PMS2: variants seen among roughly 807,000 people sequenced by gnomAD.
The protein encoded by PMS2 is PMS1 homolog 2, mismatch repair system component.
In PMS2, 69 loss-of-function variants were observed where a neutral mutation model predicts 90.0. That is an observed-to-expected ratio of 0.77 (90% CI 0.63 to 0.94). PMS2 has a LOEUF of 0.94. Among genes scored for constraint, PMS2 ranks in the 40% least tolerant of loss-of-function variants. The pLI, the probability that PMS2 is intolerant of heterozygous loss-of-function variation, is 0.00. For missense variants in PMS2, 966 were observed against 1,040.2 expected (o/e 0.93, Z 0.98); for synonymous variants, 332 against 375.1 (o/e 0.89, Z 1.33).
chr7:6,001,152 G>A (rs540588735), intron 5 of PMS2, among the ~76,000 whole-genome samples: 27 of 152,230 alleles, frequency 1.8e-4, no homozygotes, highest in African/African-American at 6.0e-4. Flanking sequence ...CACATCCAAG[G>A]ATAACTGCTG....
intron 7 of PMS2, among the ~76,000 whole-genome samples, chr7:5,996,944 G>A (rs1204139319): frequency 1.3e-5 from 2 of 152,116 alleles, no homozygotes; most frequent in African/African-American, 2.4e-5. Flanking sequence ...GCCAGGCGTG[G>A]TGGCTCATGC....
chr7:5,989,317 G>A (rs1428419163), intron 10 of PMS2, among the ~76,000 whole-genome samples: 1 of 151,886 alleles, frequency 6.6e-6, no homozygotes, highest in Non-Finnish European at 1.5e-5. Flanking sequence ...TGTAATCCCA[G>A]CTACTCAGGA....
At position 5,999,205 on chromosome 7, in the gene PMS2, G is replaced by A. The variant is rs779946576; in HGVS notation, c.608C>T (p.Thr203Ile). The A allele has an allele frequency of 6.2e-7, 1 of 1,614,024 alleles. No homozygotes were observed. The highest frequency in any genetic ancestry group is 8.5e-7 in the Non-Finnish European group (1 of 1,179,986). The part of the protein sequence containing the change: ...IISAGIRVSC[T>I]NQLGQGKRQP... ...TCGTTTTCCTTGTCCAAGCTGATTG[G>A]TGCAACTTACACGGATGCCTGCTGA... The change falls in exon 6 of 15, where the codon ACC (threonine) becomes ATC (isoleucine). Residue 203 changes from threonine to isoleucine, a missense_variant. Thr to Ile is a moderately conservative substitution (Grantham distance 89, BLOSUM62 -1). Coordinates refer to ENST00000265849, the MANE Select transcript of PMS2 (RefSeq NM_000535.7).
At position 5,987,276 on chromosome 7, in the gene PMS2, C is replaced by T. The variant is rs749826312; in HGVS notation, c.1489G>A (p.Gly497Ser). ...CCCTCAGAATCCACGGAAGTGCTGC[C>T]GTGCCCCGAGTCCTTCTCCACCTCC... Reference protein sequence around the residue: ...RAEVEKDSGHGSTSVDSEGFS... With the variant: ...RAEVEKDSGHSSTSVDSEGFS... The change falls in exon 11 of 15, where the codon GGC becomes AGC. Residue 497 changes from glycine (G) to serine (S), a missense_variant. Around this residue, in one of 2 missense-constraint regions of PMS2, gnomAD observed 871 missense variants for 802.4 expected, o/e 1.09. Coordinates refer to ENST00000265849, the MANE Select transcript of PMS2 (RefSeq NM_000535.7). 19 of 1,613,974 alleles carry T rather than the reference C, an allele frequency of 1.2e-5. No individual in the cohort carries two copies. Among genetic ancestry groups the T allele is most frequent in the East Asian group, 8.9e-5 (4 of 44,892 alleles).
intron 4 of PMS2, 72 bp from the exon 5 acceptor site, chr7:6,002,708 T>C: frequency 1.7e-6 from 2 of 1,180,114 alleles, no homozygotes; most frequent in Non-Finnish European, 1.3e-6. Flanking sequence ...ACTCTTTTCT[T>C]CACTTGCTTT....
At chr7:5,990,030 C>G (rs1783564899) in intron 9 of PMS2, 75 bp from the exon 10 acceptor site, 1 of 1,027,682 alleles carries the variant, frequency 9.7e-7, no homozygotes. Flanking sequence ...TATTTTCAGA[C>G]AGCGTCTCAC....
intron 5 of PMS2, 77 bp from the exon 6 acceptor site, chr7:5,999,352 C>T: frequency 7.8e-7 from 1 of 1,276,248 alleles, no homozygotes; most frequent in Non-Finnish European, 1.1e-6. Flanking sequence ...TTACAACATC[C>T]AACGCAAGGT....
chr7:6,000,142 A>T (rs1784930441), intron 5 of PMS2, among the ~76,000 whole-genome samples: 1 of 151,966 alleles, frequency 6.6e-6, no homozygotes, highest in Non-Finnish European at 1.5e-5. Context: ...TGGGAGGCTG[A>T]GGCGGGAGGA....
intron 10 of PMS2, among the ~76,000 whole-genome samples, chr7:5,989,547 G>A (rs574283062): frequency 1.1e-4 from 16 of 152,012 alleles, no homozygotes; most frequent in African/African-American, 3.1e-4. Flanking sequence ...GAGGTACTTG[G>A]AGGCAGCTAC....
intron 1 of PMS2, among the ~76,000 whole-genome samples, chr7:6,007,223 C>A (rs1562705528): frequency 6.6e-6 from 1 of 151,968 alleles, no homozygotes; most frequent in Non-Finnish European, 1.5e-5. Context: ...TCAAGCGATT[C>A]TCCTATCTCA....
chr7:5,998,073 CTTTG>C (rs1562673820), intron 6 of PMS2, among the ~76,000 whole-genome samples: 1 of 147,100 alleles, frequency 6.8e-6, no homozygotes, highest in Non-Finnish European at 1.5e-5. Context: ...GTGATAGGTA[CTTTG>C]TTTTTTTTTT....
chr7:5,998,852 G>A (rs6949598), intron 6 of PMS2, among the ~76,000 whole-genome samples: 24,912 of 151,706 alleles, frequency 0.16, 2,262 homozygotes, highest in African/African-American at 0.23. Context: ...TTAGCCTGGC[G>A]TAGTGGAGCA....
intron 12 of PMS2, among the ~76,000 whole-genome samples, chr7:5,982,493 C>T (rs1050475439): frequency 2.6e-5 from 4 of 151,984 alleles, no homozygotes; most frequent in Non-Finnish European, 5.9e-5. Flanking sequence ...CGTGAGCCAC[C>T]GTGCCTGGCC....
intron 9 of PMS2, among the ~76,000 whole-genome samples, chr7:5,991,185 T>C (rs1346456725): frequency 3.9e-5 from 6 of 152,032 alleles, no homozygotes; most frequent in African/African-American, 1.4e-4. Flanking sequence ...TTCTGATCAA[T>C]TTCTAATAAC....
chr7:5,999,173 C>T lies in PMS2; in HGVS notation c.640G>A (p.Val214Met), dbSNP rs2128800396. 1.2e-6 allele frequency: 2 copies of T among 1,614,148 alleles called. No homozygotes were observed. The highest frequency in any genetic ancestry group is 2.2e-5 in the East Asian group (1 of 44,888). Reference protein sequence around the residue: ...NQLGQGKRQPVVCTGGSPSIK... With the variant: ...NQLGQGKRQPMVCTGGSPSIK... ...CTGGGGCTTCCACCTGTGCATACCA[C>T]AGGCTGTCGTTTTCCTTGTCCAAGC... The change falls in exon 6 of 15, where the codon GTG (valine) becomes ATG (methionine). Residue 214 changes from valine (V) to methionine (M), a missense_variant. Val to Met is a conservative substitution (Grantham distance 21). Coordinates refer to ENST00000265849, the MANE Select transcript of PMS2 (RefSeq NM_000535.7).
At chr7:6,003,479 A>AT (rs1785337282) in intron 4 of PMS2, 2 of 573,970 alleles carry the variant, frequency 3.5e-6, no homozygotes, top group Admixed American at 3.2e-5. Context: ...AAGGGTAACC[A>AT]TCTTTTTAAC....
intron 11 of PMS2, among the ~76,000 whole-genome samples, chr7:5,983,388 C>T (rs1178959155): frequency 3.3e-5 from 5 of 151,348 alleles, no homozygotes; most frequent in East Asian, 1.9e-4. Flanking sequence ...GGATTACAGG[C>T]GTGAGCCACT....
chr7:6,008,939 G>A (rs1786230523), intron 1 of PMS2, 58 bp downstream of exon 1: 2 of 1,600,776 alleles, frequency 1.2e-6, no homozygotes, highest in South Asian at 1.1e-5. Flanking sequence ...TTGGAATGCC[G>A]TGGGTCTCAA....
intron 6 of PMS2, among the ~76,000 whole-genome samples, chr7:5,998,599 T>C (rs1784700982): frequency 6.7e-6 from 1 of 149,526 alleles, no homozygotes; most frequent in Non-Finnish European, 1.5e-5. Context: ...GAGGCTAAGG[T>C]AGGAGAATTG....
Sources: allele counts gnomAD v4.1 joint callset (sites outside exome capture counted in the v4.1 genomes callset), GRCh38; gene constraint gnomAD v4.1.1; regional missense constraint gnomAD v4.1.1; transcripts MANE v1.5; gene names NCBI Gene and HGNC (gene_info 2026-07-23, HGNC 2026-07-21).